The following RERE variants were observed in gnomAD, a reference collection of about 807,000 sequenced individuals.
RERE encodes the protein arginine-glutamic acid dipeptide repeats, also known as arginine-glutamic acid dipeptide repeats protein.
In RERE, 40 loss-of-function variants were observed where a neutral mutation model predicts 146.1. That is an observed-to-expected ratio of 0.27 (90% CI 0.21 to 0.36). RERE has a LOEUF of 0.36. RERE is among the 10% of genes least tolerant of loss of function. RERE has a pLI of 1.00. For missense variants in RERE, 1,933 were observed against 2,138.7 expected (o/e 0.90, Z 1.90); for synonymous variants, 1,003 against 866.0 (o/e 1.16, Z -2.78).
Position 8,377,181 on chromosome 1 carries a change from C to A in RERE, c.1285-11207G>T, listed in dbSNP as rs190110240. 2.8e-3 allele frequency among the ~76,000 whole-genome samples: 432 copies of A among 152,346 alleles called. 3 individuals carry two copies. The highest frequency in any genetic ancestry group is 9.9e-3 in the African/African-American group (413 of 41,588). On this transcript the variant is annotated intron_variant, in intron 12 of 22. Coordinates refer to ENST00000400908, the MANE Select transcript of RERE (RefSeq NM_001042681.2). Reference sequence around the variant, plus strand: ...CTCAGGCTGAACTGAAAGACTCCCACGACATGAGGGGAATCACCCCGGCCT... The same window carrying A: ...CTCAGGCTGAACTGAAAGACTCCCAAGACATGAGGGGAATCACCCCGGCCT...
At chr1:8,536,497 T>C (rs967069098) in intron 7 of RERE, among the ~76,000 whole-genome samples, 2 of 152,184 alleles carry the variant, frequency 1.3e-5, no homozygotes, top group Non-Finnish European at 2.9e-5. Context: ...CTAAGACCAA[T>C]CTATTTTATA....
intron 1 of RERE, among the ~76,000 whole-genome samples, chr1:8,724,753 C>T (rs1639925791): frequency 6.6e-6 from 1 of 151,736 alleles, no homozygotes. Context: ...CCCTTGAACC[C>T]GGGAGGTGGA....
At chr1:8,795,780 C>T (rs11588619) in intron 1 of RERE, among the ~76,000 whole-genome samples, 3 of 152,026 alleles carry the variant, frequency 2.0e-5, no homozygotes, top group South Asian at 2.1e-4. Context: ...GTCAGGAGTT[C>T]GAGACCAGCC....
At chr1:8,573,051 T>C (rs766896544) in intron 4 of RERE, among the ~76,000 whole-genome samples, 2 of 152,168 alleles carry the variant, frequency 1.3e-5, no homozygotes, top group Non-Finnish European at 2.9e-5. Flanking sequence ...AACCTAAATG[T>C]CTTGCTTGCT....
intron 16 of RERE, 125 bp downstream of exon 16, chr1:8,362,558 G>T: frequency 7.8e-7 from 1 of 1,281,730 alleles, no homozygotes; most frequent in Non-Finnish European, 1.1e-6. Context: ...CAATGCTGGT[G>T]TCCAGACAGG....
chr1:8,580,264 G>A (rs1646347768), intron 4 of RERE, among the ~76,000 whole-genome samples: 1 of 152,082 alleles, frequency 6.6e-6, no homozygotes, highest in African/African-American at 2.4e-5. Flanking sequence ...TAAATATCTA[G>A]AGAAAATTCA....
intron 11 of RERE, among the ~76,000 whole-genome samples, chr1:8,445,183 G>A (rs1644301719): frequency 6.6e-6 from 1 of 152,088 alleles, no homozygotes; most frequent in South Asian, 2.1e-4. Flanking sequence ...AATTCTTTGG[G>A]GTACCAAGCA....
At chr1:8,448,151 G>A (rs948089274) in intron 11 of RERE, among the ~76,000 whole-genome samples, 5 of 152,140 alleles carry the variant, frequency 3.3e-5, no homozygotes, top group Admixed American at 2.0e-4. Context: ...GCCACCTGGA[G>A]GCCTCTGCAC....
intron 1 of RERE, among the ~76,000 whole-genome samples, chr1:8,690,527 A>T (rs560994066): frequency 6.6e-6 from 1 of 152,378 alleles, no homozygotes. Flanking sequence ...AGAGAAAGAT[A>T]GTTTGAAAGG....
intron 12 of RERE, among the ~76,000 whole-genome samples, chr1:8,373,725 C>T (rs1368448736): frequency 1.3e-5 from 2 of 152,196 alleles, no homozygotes; most frequent in African/African-American, 4.8e-5. Context: ...GCATGGAATC[C>T]TATGCGAGTC....
At chr1:8,734,112 TTAAAATAAAA>T (rs548500737) in intron 1 of RERE, among the ~76,000 whole-genome samples, 2 of 152,142 alleles carry the variant, frequency 1.3e-5, no homozygotes, top group Non-Finnish European at 2.9e-5. Context: ...GTCTCAAAAA[TTAAAATAAAA>T]TAAAATAAAA....
chr1:8,634,614 C>T (rs1647073622), intron 2 of RERE, among the ~76,000 whole-genome samples: 1 of 152,188 alleles, frequency 6.6e-6, no homozygotes, highest in South Asian at 2.1e-4. Context: ...CCCTGACTCT[C>T]GAAATCTACC....
intron 4 of RERE, among the ~76,000 whole-genome samples, chr1:8,577,147 C>A (rs908977002): frequency 6.8e-6 from 1 of 146,556 alleles, no homozygotes; most frequent in Non-Finnish European, 1.5e-5. Flanking sequence ...CCAGCCTGGG[C>A]GACAGAGAGA....
intron 11 of RERE, among the ~76,000 whole-genome samples, 189 bp from the exon 12 acceptor site, chr1:8,422,996 T>C (rs1643935112): frequency 6.6e-6 from 1 of 152,084 alleles, no homozygotes; most frequent in Non-Finnish European, 1.5e-5. Context: ...CCCAGCTACC[T>C]TCATCAGAAC....
intron 4 of RERE, among the ~76,000 whole-genome samples, chr1:8,563,959 T>C (rs1201269223): frequency 6.6e-6 from 1 of 152,178 alleles, no homozygotes; most frequent in Admixed American, 6.5e-5. Flanking sequence ...TAATTAAGCA[T>C]ACAGAGGGGG....
intron 2 of RERE, among the ~76,000 whole-genome samples, chr1:8,646,693 G>A (rs1647324568): frequency 1.3e-5 from 2 of 152,148 alleles, no homozygotes; most frequent in South Asian, 4.1e-4. Flanking sequence ...TTACAAAAAG[G>A]AAAAATGTAG....
chr1:8,779,547 T>C (rs1401546548), intron 1 of RERE, among the ~76,000 whole-genome samples: 1 of 151,680 alleles, frequency 6.6e-6, no homozygotes, highest in Non-Finnish European at 1.5e-5. Flanking sequence ...CCTGTAGTCC[T>C]AGCTACTCGG....
intron 10 of RERE, among the ~76,000 whole-genome samples, chr1:8,490,702 G>A (rs1644969318): frequency 6.7e-6 from 1 of 150,076 alleles, no homozygotes; most frequent in Admixed American, 6.6e-5. Flanking sequence ...TTCCATTCCT[G>A]TAACATTCCG....
chr1:8,454,709 G>A (rs1341343083), intron 11 of RERE, among the ~76,000 whole-genome samples: 1 of 152,072 alleles, frequency 6.6e-6, no homozygotes, highest in Admixed American at 6.5e-5. Context: ...GAAGGCTGGG[G>A]CGGGAGGATC....
Sources: allele counts gnomAD v4.1 joint callset (sites outside exome capture counted in the v4.1 genomes callset), GRCh38; gene constraint gnomAD v4.1.1; transcripts MANE v1.5; gene names NCBI Gene and HGNC (gene_info 2026-07-23, HGNC 2026-07-21).